Variants in CCSER1 observed in about 807,000 individuals in gnomAD.
CCSER1 encodes the protein serine-rich coiled-coil domain-containing protein 1.
In CCSER1, 41 loss-of-function variants were observed where a neutral mutation model predicts 82.0. The ratio of observed to expected loss-of-function variants is 0.50; its 90% CI spans 0.39 to 0.65. The LOEUF (loss-of-function observed/expected upper bound fraction) is 0.65. Among genes scored for constraint, CCSER1 ranks in the 30% least tolerant of loss-of-function variants. The probability of loss-of-function intolerance (pLI) is 0.00; values close to 1 mark genes in which losing one functional copy is unlikely to be tolerated. For missense variants in CCSER1, 1,119 were observed against 1,064.2 expected (o/e 1.05, Z -0.72); for synonymous variants, 414 against 383.9 (o/e 1.08, Z -0.92).
intron 1 of CCSER1, among the ~76,000 whole-genome samples, chr4:90,152,178 T>G (rs1726988363): frequency 6.6e-6 from 1 of 152,178 alleles, no homozygotes; most frequent in Non-Finnish European, 1.5e-5. Context: ...CTGCTTTATC[T>G]CTCTCTGCTC....
chr4:91,134,568 C>T (rs1022960941), intron 10 of CCSER1, among the ~76,000 whole-genome samples: 3 of 152,038 alleles, frequency 2.0e-5, no homozygotes, highest in African/African-American at 7.2e-5. Context: ...CCTACTGATA[C>T]AAAGAGACAA....
intron 5 of CCSER1, among the ~76,000 whole-genome samples, chr4:90,589,356 T>C (rs1247802767): frequency 1.3e-5 from 2 of 152,060 alleles, no homozygotes; most frequent in East Asian, 3.8e-4. Flanking sequence ...TTTTTGTTTT[T>C]TAATTTATAG....
intron 6 of CCSER1, chr4:90,663,860 ATGAG>A (rs1206882444): frequency 5.5e-6 from 2 of 366,958 alleles, no homozygotes; most frequent in African/African-American, 4.2e-5. Flanking sequence ...CTTGTCAAGG[ATGAG>A]TGTTTCCAAT....
At chr4:90,547,548 T>C (rs1776920688) in intron 5 of CCSER1, among the ~76,000 whole-genome samples, 1 of 152,058 alleles carries the variant, frequency 6.6e-6, no homozygotes, top group Non-Finnish European at 1.5e-5. Context: ...CTTAAACACG[T>C]ATCATTCCTG....
At chr4:90,636,796 G>A (rs775988265) in intron 6 of CCSER1, among the ~76,000 whole-genome samples, 20 of 152,054 alleles carry the variant, frequency 1.3e-4, no homozygotes, top group African/African-American at 3.4e-4. Flanking sequence ...CACTCACCAC[G>A]TTTGCTGTAC....
At chr4:91,369,704 C>CTT (rs1488936528) in intron 10 of CCSER1, among the ~76,000 whole-genome samples, 1 of 110,802 alleles carries the variant, frequency 9.0e-6, no homozygotes, top group Non-Finnish European at 1.7e-5. Flanking sequence ...GTCTCTCACT[C>CTT]TGTCACCAGG....
intron 5 of CCSER1, among the ~76,000 whole-genome samples, chr4:90,536,716 A>T (rs1466307501): frequency 6.6e-6 from 1 of 152,214 alleles, no homozygotes; most frequent in Admixed American, 6.5e-5. Context: ...CAGTTCTGTT[A>T]CTGATGCTGC....
chr4:90,631,697 A>T (rs556544056), intron 6 of CCSER1, among the ~76,000 whole-genome samples: 1 of 152,208 alleles, frequency 6.6e-6, no homozygotes, highest in Non-Finnish European at 1.5e-5. Context: ...ACAGCAGGCT[A>T]AATAAATATA....
At chr4:90,769,242 A>G (rs927000910) in intron 7 of CCSER1, among the ~76,000 whole-genome samples, 1 of 152,224 alleles carries the variant, frequency 6.6e-6, no homozygotes, top group African/African-American at 2.4e-5. Flanking sequence ...GTCAAATGAT[A>G]TAAACCCCAA....
intron 6 of CCSER1, among the ~76,000 whole-genome samples, chr4:90,651,169 A>G (rs1445092655): frequency 6.6e-6 from 1 of 152,204 alleles, no homozygotes; most frequent in Non-Finnish European, 1.5e-5. Flanking sequence ...AAAAAATTTT[A>G]GCAGATTTCT....
chr4:91,011,119 G>A (rs564074393), intron 9 of CCSER1, among the ~76,000 whole-genome samples: 2 of 134,746 alleles, frequency 1.5e-5, no homozygotes, highest in African/African-American at 4.9e-5. Flanking sequence ...TGGGAAGAGT[G>A]TGGTGACTCT....
At chr4:90,878,337 G>A (rs1349320254) in intron 8 of CCSER1, among the ~76,000 whole-genome samples, 2 of 152,018 alleles carry the variant, frequency 1.3e-5, no homozygotes, top group African/African-American at 4.8e-5. Context: ...CTCAGTCTAT[G>A]TCTTATTTTG....
chr4:90,641,400 C>T (rs974887929), intron 6 of CCSER1, among the ~76,000 whole-genome samples: 14 of 151,946 alleles, frequency 9.2e-5, no homozygotes, highest in Admixed American at 1.3e-4. Flanking sequence ...TGTGCAGTTA[C>T]GAAGGGGCAC....
At chr4:91,135,209 T>C (rs998149128) in intron 10 of CCSER1, among the ~76,000 whole-genome samples, 1 of 152,162 alleles carries the variant, frequency 6.6e-6, no homozygotes, top group Non-Finnish European at 1.5e-5. Context: ...TTAATATCTG[T>C]GATGAAGTAC....
intron 10 of CCSER1, among the ~76,000 whole-genome samples, chr4:91,092,171 G>A (rs1358056295): frequency 1.3e-5 from 2 of 152,028 alleles, no homozygotes; most frequent in African/African-American, 2.4e-5. Context: ...CCACCTTTCC[G>A]GAACTGTGAG....
chr4:91,177,073 T>A (rs577390455), intron 10 of CCSER1, among the ~76,000 whole-genome samples: 126 of 152,326 alleles, frequency 8.3e-4, no homozygotes, highest in Admixed American at 1.5e-3. Flanking sequence ...TCTATTGAGA[T>A]AATCATGTGG....
intron 10 of CCSER1, among the ~76,000 whole-genome samples, chr4:91,453,329 T>G (rs2149421994): frequency 6.6e-6 from 1 of 152,130 alleles, no homozygotes; most frequent in Non-Finnish European, 1.5e-5. Context: ...CATGTTCATT[T>G]TATAGGTGAT....
At chr4:90,212,731 TGAG>T (rs555853142) in intron 1 of CCSER1, among the ~76,000 whole-genome samples, 118 of 152,292 alleles carry the variant, frequency 7.7e-4, no homozygotes, top group South Asian at 1.9e-3. Context: ...TAAAGTAAGA[TGAG>T]GAGAAATAGG....
chr4:90,475,754 C>G (rs939963975), intron 5 of CCSER1, among the ~76,000 whole-genome samples: 18 of 152,288 alleles, frequency 1.2e-4, no homozygotes, highest in Non-Finnish European at 2.6e-4. Context: ...AAAGGACTCT[C>G]ATGCACCCAT....
Sources: gnomAD v4.1 joint callset for allele counts (sites outside exome capture counted in the v4.1 genomes callset) on GRCh38, gnomAD v4.1.1 for gene constraint, MANE v1.5 for transcripts, NCBI Gene and HGNC (gene_info 2026-07-23, HGNC 2026-07-21) for gene names.